Variants in SLC1A4 observed in about 807,000 individuals in gnomAD.
SLC1A4 encodes solute carrier family 1 member 4, also known as neutral amino acid transporter A.
SLC1A4 carries 19 observed loss-of-function variants against 37.7 expected under a neutral mutation model. The ratio of observed to expected loss-of-function variants is 0.50; its 90% CI spans 0.35 to 0.74. SLC1A4 has a LOEUF of 0.74. SLC1A4 is among the 30% of genes least tolerant of loss of function. The pLI is 0.01. For missense variants in SLC1A4, 570 were observed against 712.9 expected (o/e 0.80, Z 2.28); for synonymous variants, 299 against 309.8 (o/e 0.97, Z 0.37).
Position 65,001,575 on chromosome 2 carries a change from C to A in SLC1A4, c.570+85C>A, listed in dbSNP as rs541747453. The A allele has an allele frequency of 5.0e-5, 63 of 1,265,162 alleles. 1 individual carries two copies. The South Asian group carries it at 7.3e-4, about 15-fold the overall frequency. The allele number at this position is 1,265,162 out of a possible 1,614,324, so 78.4% of individuals were successfully genotyped here. A position where few individuals can be genotyped will look rare whatever the true frequency, so the allele number is the denominator to read the frequency against. On this transcript the variant is annotated intron_variant, in intron 2 of 7. Transcript: ENST00000234256. ...TGCTATAGAGTTAGGTAAGGTAGAA[C>A]AGGGAGAGATGGTGGTGTTAACAAA... is the stretch of plus-strand genomic sequence containing the variant.
In SLC1A4 at chr2:65,021,369, G is replaced by A. The variant is rs1674415258; in HGVS notation, c.*223G>A. 4 of 567,684 alleles carry A rather than the reference G, an allele frequency of 7.0e-6. No individual in the cohort carries two copies. The highest frequency in any genetic ancestry group is 1.3e-5 in the Non-Finnish European group (4 of 317,720). The allele number at this position is 567,684 out of a possible 1,614,324, so 35.2% of individuals were successfully genotyped here. A position where few individuals can be genotyped will look rare whatever the true frequency, so the allele number is the denominator to read the frequency against. On this transcript the variant is annotated 3_prime_UTR_variant, in exon 8 of 8. Transcript: ENST00000234256. The stretch of plus-strand genomic sequence containing the variant: ...CACTCTGACATTCGGCTTGATCCAT[G>A]TCCAGGTGCAACTGTGTGTACACCA...
In SLC1A4 at chr2:65,010,733, C is replaced by T. The variant is rs1365806821; in HGVS notation, c.770C>T (p.Ala257Val). 4.3e-6 allele frequency: 7 copies of T among 1,613,852 alleles called. No homozygotes were observed. Among genetic ancestry groups the T allele is most frequent in the Non-Finnish European group, 5.1e-6 (6 of 1,179,882 alleles). ...CGTTTCTTCAATTCCCTCAACGAGG[C>T]GACGATGGTGCTGGTGTCCTGGATT... ...LIRFFNSLNE[A>V]TMVLVSWIMW... Residue 257 changes from alanine to valine, a missense_variant, in exon 4 of 8, where the codon GCG (alanine) becomes GTG (valine). Transcript: ENST00000234256.
At position 65,016,674 on chromosome 2, in the gene SLC1A4, G is replaced by C; in HGVS notation, c.1034+1G>C. The C allele has an allele frequency of 6.2e-7, 1 of 1,610,232 alleles. No homozygotes were observed. On this transcript the variant is annotated splice_donor_variant, in intron 5 of 7. Transcript: ENST00000234256. LOFTEE classifies it high-confidence loss of function. Reference sequence around the variant, plus strand: ...CGACAGCATTTGCTACCTGCTCCAGGTGAGTGGGTTTTGGGTCTCTTCACT... The same window carrying C: ...CGACAGCATTTGCTACCTGCTCCAGCTGAGTGGGTTTTGGGTCTCTTCACT...
intron 3 of SLC1A4, among the ~76,000 whole-genome samples, chr2:65,008,275 C>T (rs534318522): frequency 6.6e-4 from 100 of 152,290 alleles, no homozygotes; most frequent in Middle Eastern, 3.4e-3. Context: ...TCATCTCTCT[C>T]CCCCAGCTTT....
At chr2:65,000,173 G>A (rs1558516713) in intron 1 of SLC1A4, 1 of 152,334 alleles carries the variant, frequency 6.6e-6, no homozygotes, top group East Asian at 1.9e-4. Context: ...TGCAGGAAGT[G>A]AGAACAAATG....
intron 1 of SLC1A4, among the ~76,000 whole-genome samples, chr2:64,998,669 G>C (rs1673358367): frequency 6.6e-6 from 1 of 152,166 alleles, no homozygotes; most frequent in African/African-American, 2.4e-5. Flanking sequence ...GTTAAGGACA[G>C]GGCCTGTTCT....
At chr2:65,000,040 A>ATAGT (rs1673401999) in intron 1 of SLC1A4, 1 of 152,198 alleles carries the variant, frequency 6.6e-6, no homozygotes, top group Non-Finnish European at 1.5e-5. Flanking sequence ...TGCACTGCAA[A>ATAGT]TAGTTGCCTG....
Position 64,992,297 on chromosome 2 carries a change from A to C in SLC1A4, c.527+2127A>C, listed in dbSNP as rs141126993. 8.9e-4 allele frequency among the ~76,000 whole-genome samples: 136 copies of C among 152,274 alleles called. 1 individual carries two copies. Among genetic ancestry groups the C allele is most frequent in the Non-Finnish European group, 1.4e-3 (92 of 67,996 alleles). On this transcript the variant is annotated intron_variant, in intron 1 of 7. Coordinates refer to ENST00000234256, the MANE Select transcript of SLC1A4 (RefSeq NM_003038.5). ...TAGGGGGTACCTCATTACCTCCTGA[A>C]GGGACTTCTTGTTTCCTGATCATGG... is the stretch of plus-strand genomic sequence containing the variant.
At chr2:64,990,308 A>G (rs909763739) in intron 1 of SLC1A4, 138 bp downstream of exon 1, 2 of 911,610 alleles carry the variant, frequency 2.2e-6, no homozygotes, top group Non-Finnish European at 3.2e-6. Context: ...CGTTTTAAAA[A>G]TATCAAAATG....
intron 1 of SLC1A4, among the ~76,000 whole-genome samples, chr2:64,994,176 A>G (rs1394744946): frequency 6.6e-6 from 1 of 152,222 alleles, no homozygotes. Flanking sequence ...AAAACTAAAC[A>G]CAGAAGAGCC....
intron 1 of SLC1A4, among the ~76,000 whole-genome samples, chr2:64,996,250 G>C (rs1338540054): frequency 6.6e-6 from 1 of 152,116 alleles, no homozygotes; most frequent in Non-Finnish European, 1.5e-5. Context: ...AATATTTTAA[G>C]TGTGATATAT....
At chr2:65,002,766 T>C (rs377711336) in intron 2 of SLC1A4, among the ~76,000 whole-genome samples, 25 of 151,720 alleles carry the variant, frequency 1.6e-4, no homozygotes, top group East Asian at 3.9e-4. Context: ...TTAGTAGAGA[T>C]GGGGTTTCAC....
intron 4 of SLC1A4, among the ~76,000 whole-genome samples, chr2:65,013,130 G>A (rs1005903665): frequency 6.6e-6 from 1 of 152,184 alleles, no homozygotes; most frequent in African/African-American, 2.4e-5. Context: ...CAGGGGGAAG[G>A]TGGGGGATTA....
At position 65,018,035 on chromosome 2, in the gene SLC1A4, T is replaced by C. The variant is rs745653729; in HGVS notation, c.1035-36T>C. The C allele has an allele frequency of 9.4e-6, 15 of 1,593,202 alleles. No individual in the cohort carries two copies. The highest frequency in any genetic ancestry group is 9.4e-5 in the African/African-American group (7 of 74,530). ...ACACATGTTAGCCTGCCTCGGACTG[T>C]TGTCATGTCTGGCGGTTTGTTTTTC... On this transcript the variant is annotated intron_variant, in intron 5 of 7. Coordinates refer to ENST00000234256, the MANE Select transcript of SLC1A4 (RefSeq NM_003038.5). The surrounding 1 kb of genome is among the most constrained non-coding windows in gnomAD (Gnocchi z 4.3).
intron 5 of SLC1A4, among the ~76,000 whole-genome samples, chr2:65,017,490 G>A (rs1165002554): frequency 1.3e-5 from 2 of 151,284 alleles, no homozygotes; most frequent in African/African-American, 4.9e-5. Flanking sequence ...ACACAGAGGT[G>A]GGAGTAAAAA....
At chr2:65,002,029 C>T (rs1013839694) in intron 2 of SLC1A4, among the ~76,000 whole-genome samples, 1 of 152,124 alleles carries the variant, frequency 6.6e-6, no homozygotes, top group Non-Finnish European at 1.5e-5. Context: ...CCTGTTATCC[C>T]AGCACTTTGG....
At chr2:64,992,846 G>A (rs1352688987) in intron 1 of SLC1A4, among the ~76,000 whole-genome samples, 1 of 152,322 alleles carries the variant, frequency 6.6e-6, no homozygotes, top group East Asian at 1.9e-4. Flanking sequence ...CAGCGTGGAG[G>A]CTGAGCTCCT....
chr2:64,994,886 G>C (rs1673193505), intron 1 of SLC1A4: 2 of 152,118 alleles, frequency 1.3e-5, no homozygotes, highest in Non-Finnish European at 2.9e-5. Context: ...AGTAATATTA[G>C]CCACCAGATG....
At position 65,018,131 on chromosome 2, in the gene SLC1A4, G is replaced by C. The variant is rs747259110; in HGVS notation, c.1095G>C (p.Arg365Ser). The C allele has an allele frequency of 6.2e-7, 1 of 1,614,186 alleles. No individual in the cohort carries two copies. The highest frequency in any genetic ancestry group is 1.1e-5 in the South Asian group (1 of 91,076). Residue 365 changes from arginine to serine, a missense_variant, in exon 6 of 8, where the codon AGG becomes AGC. By Grantham distance (110) the Arg-to-Ser change is moderately radical (BLOSUM62 -1). Coordinates refer to ENST00000234256, the MANE Select transcript of SLC1A4 (RefSeq NM_003038.5). This position sits in a 1 kb window ranked among gnomAD's most constrained non-coding sequence, Gnocchi z 4.3. The part of the protein sequence containing the change: ...CIEENNGVDK[R>S]ISRFILPIGA... ...AAGAGAACAATGGTGTGGACAAGAG[G>C]ATCAGCAGGTTTATTCTCCCCATCG...
Sources: gnomAD v4.1 joint callset for allele counts (sites outside exome capture counted in the v4.1 genomes callset) on GRCh38, gnomAD v4.1.1 for gene constraint, Gnocchi (gnomAD v3.1) non-coding constraint, MANE v1.5 for transcripts, NCBI Gene and HGNC (gene_info 2026-07-23, HGNC 2026-07-21) for gene names.